VAV2: variants seen among roughly 807,000 people sequenced by gnomAD.
VAV2 encodes guanine nucleotide exchange factor VAV2.
Under a neutral mutation model 132.5 loss-of-function variants are expected in VAV2, and 67 were observed. The ratio of observed to expected loss-of-function variants is 0.51; its 90% CI spans 0.42 to 0.62. The LOEUF (loss-of-function observed/expected upper bound fraction) is 0.62. VAV2 is among the 20% of genes least tolerant of loss of function. The pLI is 0.00. For missense variants in VAV2, 938 were observed against 1,153.6 expected, an observed-to-expected ratio of 0.81 and a Z score of 2.71; for synonymous variants, 492 against 443.5, an observed-to-expected ratio of 1.11 and a Z score of -1.37.
intron 1 of VAV2, among the ~76,000 whole-genome samples, chr9:133,967,235 G>A (rs2132243557): frequency 6.6e-6 from 1 of 152,150 alleles, no homozygotes; most frequent in South Asian, 2.1e-4. Context: ...AGTTATAATA[G>A]CTATTATCAA....
chr9:133,957,696 C>A (rs1228666084), intron 1 of VAV2, among the ~76,000 whole-genome samples: 2 of 152,180 alleles, frequency 1.3e-5, no homozygotes, highest in African/African-American at 4.8e-5. Context: ...TCAGCCGGGA[C>A]ACCCTGCCTG....
At chr9:133,948,690 G>A (rs151151132) in intron 1 of VAV2, among the ~76,000 whole-genome samples, 4 of 152,338 alleles carry the variant, frequency 2.6e-5, no homozygotes, top group African/African-American at 9.6e-5. Flanking sequence ...ACTAACACTC[G>A]ATGTGCTAAA....
At chr9:133,866,687 T>C (rs1276418119) in intron 2 of VAV2, among the ~76,000 whole-genome samples, 1 of 152,004 alleles carries the variant, frequency 6.6e-6, no homozygotes, top group Non-Finnish European at 1.5e-5. Flanking sequence ...ATGCCTGTAG[T>C]TCCAGCTACC....
chr9:133,966,603 G>T (rs1193304784), intron 1 of VAV2, among the ~76,000 whole-genome samples: 1 of 152,196 alleles, frequency 6.6e-6, no homozygotes, highest in African/African-American at 2.4e-5. Context: ...CTACTTGGGG[G>T]CTGAGGTGAA....
intron 2 of VAV2, among the ~76,000 whole-genome samples, chr9:133,901,752 G>C (rs1481835405): frequency 3.3e-5 from 5 of 152,168 alleles, no homozygotes; most frequent in African/African-American, 1.2e-4. Flanking sequence ...CTGACACCAG[G>C]CCCTCCCGTA....
At chr9:133,806,224 A>G (rs1835137104) in intron 8 of VAV2, 43 bp from the exon 9 acceptor site, 3 of 1,580,394 alleles carry the variant, frequency 1.9e-6, no homozygotes, top group Non-Finnish European at 1.7e-6. Flanking sequence ...AGGCCCACCC[A>G]AGGCTAGACG....
rs1840224909 is a variant in VAV2, at chr9:133,919,709, G to C, written c.321+19394C>G. Among the ~76,000 whole-genome samples the C allele has an allele frequency of 6.6e-6, 1 of 152,228 alleles. No homozygotes were observed. The highest frequency in any genetic ancestry group is 2.1e-4 in the South Asian group (1 of 4,832). On this transcript the variant is annotated intron_variant, in intron 2 of 29. Transcript: ENST00000371850. This position sits in a 1 kb window ranked among gnomAD's most constrained non-coding sequence, Gnocchi z 5.8. ...GAATGTAAGCCGGAAACAGCGCAGA[G>C]AGTGGGGCCAGATGGACGTGGCCAG...
chr9:133,770,453 G>A lies in VAV2; in HGVS notation c.2272C>T (p.Gln758Ter). ...GGGTACTTGAGTGTGGTGTCCAGCTGCTTGAAGCTCTCCTTCAGTGAGTGG... is the reference window on the plus strand; with the variant it reads ...GGGTACTTGAGTGTGGTGTCCAGCTACTTGAAGCTCTCCTTCAGTGAGTGG... ...QCHSLKESFK[Q>*]LDTTLKYPYK... The change falls in exon 27 of 30, where the codon CAG becomes TAG. Residue 758 changes from glutamine (Q) to a stop codon, truncating the protein, a stop_gained. Transcript: ENST00000371850. LOFTEE classifies it high-confidence loss of function. The A allele has an allele frequency of 6.2e-7, 1 of 1,614,162 alleles. No individual in the cohort carries two copies. The highest frequency in any genetic ancestry group is 8.5e-7 in the Non-Finnish European group (1 of 1,179,988).
intron 25 of VAV2, among the ~76,000 whole-genome samples, chr9:133,774,438 C>T (rs1833739784): frequency 6.6e-6 from 1 of 152,208 alleles, no homozygotes; most frequent in South Asian, 2.1e-4. Flanking sequence ...TAACTGCAGC[C>T]CCACAAGGAG....
At chr9:133,894,060 C>G (rs1260525197) in intron 2 of VAV2, among the ~76,000 whole-genome samples, 2 of 152,258 alleles carry the variant, frequency 1.3e-5, no homozygotes, top group Non-Finnish European at 2.9e-5. Flanking sequence ...GGCTGAGAAT[C>G]CATCCCCCAC....
Position 133,788,364 on chromosome 9 carries a change from T to C in VAV2, c.1397A>G (p.Asp466Gly). Residue 466 changes from aspartate (D) to glycine (G), a missense_variant, in exon 15 of 30, where the codon GAC becomes GGC. Physicochemically the swap from Asp to Gly is moderately conservative, Grantham distance 94. Transcript: ENST00000371850. This position sits in a 1 kb window ranked among gnomAD's most constrained non-coding sequence, Gnocchi z 5.3. ...KMTDDPMNNK[D>G]VKKSHGKMWS... is the part of the protein sequence containing the mutation. ...CCCGGAAGGCCCCACCTTCTTGACG[T>C]CCTTGTTGTTCATGGGGTCGTCGGT... The C allele has an allele frequency of 6.2e-7, 1 of 1,608,066 alleles. No individual in the cohort carries two copies. The highest frequency in any genetic ancestry group is 8.5e-7 in the Non-Finnish European group (1 of 1,175,006).
chr9:133,892,418 C>G (rs761906794), intron 2 of VAV2, among the ~76,000 whole-genome samples: 8 of 151,920 alleles, frequency 5.3e-5, no homozygotes, highest in Non-Finnish European at 7.4e-5. Flanking sequence ...GGAGTGAAAG[C>G]TGACACTCAT....
chr9:133,973,325 A>T (rs1341733816), intron 1 of VAV2, among the ~76,000 whole-genome samples: 2 of 152,222 alleles, frequency 1.3e-5, no homozygotes. Flanking sequence ...CGAAACTCGG[A>T]GTTCAGAAAC....
chr9:133,769,565 G>A lies in VAV2; in HGVS notation c.2348-62C>T. On this transcript the variant is annotated intron_variant, in intron 27 of 29. Coordinates refer to ENST00000371850, the MANE Select transcript of VAV2 (RefSeq NM_001134398.2). The surrounding 1 kb of genome is among the most constrained non-coding windows in gnomAD (Gnocchi z 8.1). ...AGGGCATCCACGCACAGTCACGGTG[G>A]GCACAGCTACAGGCCGGGGGGCATG... is the stretch of plus-strand genomic sequence containing the variant. 6.5e-7 allele frequency: 1 copy of A among 1,529,782 alleles called. No homozygotes were observed. The highest frequency in any genetic ancestry group is 1.2e-5 in the South Asian group (1 of 83,270). The allele number at this position is 1,529,782 out of a possible 1,614,324, so 94.8% of individuals were successfully genotyped here. A position where few individuals can be genotyped will look rare whatever the true frequency, so the allele number is the denominator to read the frequency against.
In VAV2 at chr9:133,789,337, T is replaced by C; in HGVS notation, c.1195A>G (p.Lys399Glu). The C allele has an allele frequency of 6.2e-7, 1 of 1,613,416 alleles. No individual in the cohort carries two copies. The highest frequency in any genetic ancestry group is 1.3e-5 in the African/African-American group (1 of 74,464). The change falls in exon 14 of 30, where the codon AAA (lysine) becomes GAA (glutamate). Residue 399 changes from lysine to glutamate, a missense_variant. Lys to Glu is a moderately conservative substitution (Grantham distance 56, BLOSUM62 1). Coordinates refer to ENST00000371850, the MANE Select transcript of VAV2 (RefSeq NM_001134398.2). ...FQSSIENLQV[K>E]LEEFGRPKID... is the part of the protein sequence containing the mutation. ...TTTGGTCTTCCAAATTCCTCCAGTT[T>C]CACTTGCTGGGAAGAAGGAGAGGGG... is the stretch of plus-strand genomic sequence containing the variant.
intron 19 of VAV2, 123 bp downstream of exon 19, chr9:133,783,380 G>T: frequency 1.1e-6 from 1 of 880,568 alleles, no homozygotes; most frequent in Non-Finnish European, 1.9e-6. Flanking sequence ...CGTGAGCACT[G>T]GTGCCCTCAT....
rs1836352334 is a variant in VAV2 at position 133,833,677 on chromosome 9, G to T, written c.449+595C>A. ...CCCACCCTGGTCACAGATTCCCACG[G>T]TCCCGATGGGGCCCTGGTGCTGTGG... On this transcript the variant is annotated intron_variant, in intron 4 of 29. Coordinates refer to ENST00000371850, the MANE Select transcript of VAV2 (RefSeq NM_001134398.2). The surrounding 1 kb of genome is among the most constrained non-coding windows in gnomAD (Gnocchi z 5.6). Among the ~76,000 whole-genome samples, 1 of 152,088 alleles carries T rather than the reference G, an allele frequency of 6.6e-6. No homozygotes were observed. The highest frequency in any genetic ancestry group is 1.5e-5 in the Non-Finnish European group (1 of 67,974).
At chr9:133,864,710 C>G (rs1226576188) in intron 2 of VAV2, among the ~76,000 whole-genome samples, 1 of 152,262 alleles carries the variant, frequency 6.6e-6, no homozygotes, top group Admixed American at 6.5e-5. Context: ...GGCCCTCTGT[C>G]CCCTAAGGAC....
At chr9:133,781,383 C>T (rs1588165449) in intron 19 of VAV2, among the ~76,000 whole-genome samples, 2 of 152,242 alleles carry the variant, frequency 1.3e-5, no homozygotes, top group East Asian at 1.9e-4. Flanking sequence ...ACATCGCTGA[C>T]GTGACCTCCA....
Sources: allele counts gnomAD v4.1 joint callset (sites outside exome capture counted in the v4.1 genomes callset), GRCh38; gene constraint gnomAD v4.1.1; non-coding constraint Gnocchi (gnomAD v3.1); transcripts MANE v1.5; gene names NCBI Gene and HGNC (gene_info 2026-07-23, HGNC 2026-07-21).